WDR82: variants seen among roughly 807,000 people sequenced by gnomAD.
The protein encoded by WDR82 is WD repeat-containing protein 82.
In WDR82, 8 loss-of-function variants were observed where a neutral mutation model predicts 36.1. The observed-to-expected ratio is 0.22, with a 90% CI of 0.13 to 0.40. The LOEUF (loss-of-function observed/expected upper bound fraction) is 0.40. Among genes scored for constraint, WDR82 ranks in the 10% least tolerant of loss-of-function variants. The pLI, the probability that WDR82 is intolerant of heterozygous loss-of-function variation, is 1.00. For missense variants in WDR82, 185 were observed against 400.5 expected (o/e 0.46, Z 4.59); for synonymous variants, 129 against 137.8 (o/e 0.94, Z 0.45).
chr3:52,271,682 C>T (rs1199245148), intron 1 of WDR82, among the ~76,000 whole-genome samples: 2 of 152,098 alleles, frequency 1.3e-5, no homozygotes, highest in Admixed American at 6.6e-5. Context: ...TTGCAGAAGA[C>T]ATCCATCCTT....
At chr3:52,272,543 C>CAAAAAAAAAAAAAAA (rs538212712) in intron 1 of WDR82, among the ~76,000 whole-genome samples, 7 of 100,274 alleles carry the variant, frequency 7.0e-5, no homozygotes, top group African/African-American at 2.0e-4. Flanking sequence ...GACTCCATCT[C>CAAAAAAAAAAAAAAA]AAAAAAAAAA....
At position 52,259,828 on chromosome 3, in the gene WDR82, C is replaced by T; in HGVS notation, c.588G>A (p.Glu196=). ...CATTGCTGAATTTAAGTCCTGTCCACTCACAAGTTCGATCATACTGCATCT... is the reference window on the plus strand; with the variant it reads ...CATTGCTGAATTTAAGTCCTGTCCATTCACAAGTTCGATCATACTGCATCT... ...TFKMQYDRTC[E]WTGLKFSNDG... is the part of the protein sequence containing the mutation. The change falls in exon 6 of 9, where the codon GAG becomes GAA. Residue 196 remains glutamate (E), a synonymous_variant. Transcript: ENST00000296490. 6.2e-7 allele frequency: 1 copy of T among 1,614,156 alleles called. No homozygotes were observed. Among genetic ancestry groups the T allele is most frequent in the Non-Finnish European group, 8.5e-7 (1 of 1,179,988 alleles).
At chr3:52,270,322 A>G (rs1230574903) in intron 2 of WDR82, among the ~76,000 whole-genome samples, 1 of 152,180 alleles carries the variant, frequency 6.6e-6, no homozygotes, top group Non-Finnish European at 1.5e-5. Flanking sequence ...GTTTCACCAT[A>G]TCGGCCAGGC....
Position 52,278,361 on chromosome 3 carries a change from T to TGGCGGCGGCTGGGGAAGGC in WDR82, c.-19_-1dup, listed in dbSNP as rs1283306371. ...CGCAACACGCTGTCGGTCAGCTTCA[T>TGGCGGCGGCTGGGGAAGGC]GGCGGCGGCTGGGGAAGGCAGCGGC... On this transcript the variant is annotated 5_prime_UTR_variant, in exon 1 of 9. Transcript: ENST00000296490. 3 of 1,550,282 alleles carry TGGCGGCGGCTGGGGAAGGC rather than the reference T, an allele frequency of 1.9e-6. No homozygotes were observed. The highest frequency in any genetic ancestry group is 1.7e-6 in the Non-Finnish European group (2 of 1,150,654).
chr3:52,268,245 C>T (rs12171285), intron 2 of WDR82: 1 of 463,894 alleles, frequency 2.2e-6, no homozygotes, highest in Non-Finnish European at 4.5e-6. Context: ...ACGCCATCCT[C>T]TCAGCCCCAC....
chr3:52,262,264 TG>T, intron 3 of WDR82, among the ~76,000 whole-genome samples: 2 of 152,294 alleles, frequency 1.3e-5, no homozygotes, highest in Middle Eastern at 3.4e-3. Context: ...TGATTACTAA[TG>T]GGTACAGAGT....
chr3:52,261,114 A>C (rs113418766), intron 4 of WDR82, among the ~76,000 whole-genome samples: 2,294 of 152,360 alleles, frequency 0.015, 81 homozygotes, highest in African/African-American at 0.052. Flanking sequence ...AACAAGAGCG[A>C]AACCCTGTCT....
intron 1 of WDR82, 50 bp downstream of exon 1, chr3:52,278,151 C>T: frequency 1.1e-5 from 16 of 1,513,490 alleles, no homozygotes; most frequent in Non-Finnish European, 1.4e-5. Context: ...TGTGCTGGGC[C>T]ACCGGAGGGA....
intron 8 of WDR82, 58 bp downstream of exon 8, chr3:52,258,478 C>G (rs1004055174): frequency 1.2e-6 from 2 of 1,605,362 alleles, no homozygotes; most frequent in African/African-American, 2.7e-5. Context: ...GTTGAGGCAC[C>G]CACCACCCCA....
rs71084177 is a variant in WDR82, at chr3:52,277,065, A to AAATAATAATAAT, written c.161+1124_161+1135dup. 8.3e-3 allele frequency among the ~76,000 whole-genome samples: 1,166 copies of AAATAATAATAAT among 140,996 alleles called. 10 individuals are homozygous for AAATAATAATAAT. The highest frequency in any genetic ancestry group is 0.014 in the Admixed American group (193 of 14,136). The allele number at this position is 140,996 out of a possible 152,430, so 92.5% of individuals were successfully genotyped here. The stretch of plus-strand genomic sequence containing the variant: ...AAGGTGGAGAAAAACCCAAGATCTC[A>AAATAATAATAAT]AATAATAATAATAATAATAATAATA... On this transcript the variant is annotated intron_variant, in intron 1 of 8. Coordinates refer to ENST00000296490, the MANE Select transcript of WDR82 (RefSeq NM_025222.4).
chr3:52,266,900 G>C (rs1345524083), intron 3 of WDR82, 52 bp downstream of exon 3: 2 of 1,491,650 alleles, frequency 1.3e-6, no homozygotes, highest in Non-Finnish European at 1.9e-6. Context: ...CTATTCTCTG[G>C]GTAACCTCAG....
At position 52,266,941 on chromosome 3, in the gene WDR82, G is replaced by A. The variant is rs537716399; in HGVS notation, c.326+11C>T. 1.2e-5 allele frequency: 19 copies of A among 1,604,682 alleles called. No individual in the cohort carries two copies. The highest frequency in any genetic ancestry group is 3.3e-5 in the Admixed American group (2 of 59,772). The stretch of plus-strand genomic sequence containing the variant: ...AAAGAACTATCTGCTTCTATAATAC[G>A]TGGGTCTTACCTTTTGCTATGTCCA... On this transcript the variant is annotated intron_variant, in intron 3 of 8. Coordinates refer to ENST00000296490, the MANE Select transcript of WDR82 (RefSeq NM_025222.4).
At chr3:52,259,175 CA>C (rs1469103266) in intron 7 of WDR82, 21 bp downstream of exon 7, 6 of 1,606,390 alleles carry the variant, frequency 3.7e-6, no homozygotes, top group African/African-American at 1.3e-5. Flanking sequence ...ATAACCCCCA[CA>C]GGGGATAAAA....
At chr3:52,259,896 C>G (rs902122889) in intron 5 of WDR82, 24 bp from the exon 6 acceptor site, 1 of 1,593,428 alleles carries the variant, frequency 6.3e-7, no homozygotes, top group Non-Finnish European at 8.5e-7. Flanking sequence ...AAAACAGTAG[C>G]CCCAGGCATA....
chr3:52,262,094 C>T (rs1159912462), intron 3 of WDR82, among the ~76,000 whole-genome samples: 1 of 152,164 alleles, frequency 6.6e-6, no homozygotes, highest in African/African-American at 2.4e-5. Flanking sequence ...TAAAGTACTG[C>T]CTCATGTGAC....
chr3:52,273,431 TAA>T (rs879916843), intron 1 of WDR82, among the ~76,000 whole-genome samples: 4 of 129,852 alleles, frequency 3.1e-5, no homozygotes, highest in African/African-American at 5.5e-5. Flanking sequence ...AACTCCGTCT[TAA>T]AAAAAAAAAA....
chr3:52,265,686 G>A (rs943949368), intron 3 of WDR82, among the ~76,000 whole-genome samples: 18 of 149,988 alleles, frequency 1.2e-4, no homozygotes, highest in Admixed American at 2.0e-4. Flanking sequence ...AGCAATTCTC[G>A]TGCCTGAGCC....
intron 4 of WDR82, 117 bp from the exon 5 acceptor site, chr3:52,260,618 T>C: frequency 1.8e-6 from 1 of 550,370 alleles, no homozygotes; most frequent in Non-Finnish European, 3.0e-6. Flanking sequence ...CTTACCACTA[T>C]ATAATTTACT....
intron 1 of WDR82, among the ~76,000 whole-genome samples, chr3:52,276,244 G>C (rs926944921): frequency 3.3e-5 from 5 of 152,190 alleles, no homozygotes; most frequent in African/African-American, 9.6e-5. Context: ...GACCAGTCTG[G>C]TCAACATGGT....
Sources: gnomAD v4.1 joint callset for allele counts (sites outside exome capture counted in the v4.1 genomes callset) on GRCh38, gnomAD v4.1.1 for gene constraint, MANE v1.5 for transcripts, NCBI Gene and HGNC (gene_info 2026-07-23, HGNC 2026-07-21) for gene names.